The following THSD1 variants were observed in gnomAD, a reference collection of about 807,000 sequenced individuals.
The protein encoded by THSD1 is thrombospondin type-1 domain-containing protein 1.
In THSD1, 34 loss-of-function variants were observed where a neutral mutation model predicts 46.3. The ratio of observed to expected loss-of-function variants is 0.74; its 90% CI spans 0.56 to 0.98. The LOEUF (loss-of-function observed/expected upper bound fraction) is 0.98, where lower values mean the gene tolerates loss of function less well. THSD1 is among the 50% of genes least tolerant of loss of function. The pLI is 0.00. For missense variants in THSD1, 1,023 were observed against 1,058.3 expected (o/e 0.97, Z 0.46); for synonymous variants, 407 against 416.5 (o/e 0.98, Z 0.28).
chr13:52,405,933 G>T (rs73184399), intron 1 of THSD1, 98 bp downstream of exon 1: 2,530 of 152,406 alleles, frequency 0.017, 29 homozygotes, highest in South Asian at 0.033. Context: ...AGGCTGCGGT[G>T]AGGTGGCAGA....
chr13:52,385,516 G>A (rs1957724312), intron 4 of THSD1, among the ~76,000 whole-genome samples: 2 of 152,174 alleles, frequency 1.3e-5, no homozygotes, highest in Non-Finnish European at 2.9e-5. Flanking sequence ...ATGAAGAAAT[G>A]TCCCTCTGGG....
intron 4 of THSD1, chr13:52,384,245 C>A: frequency 3.1e-6 from 1 of 321,560 alleles, no homozygotes; most frequent in Non-Finnish European, 6.3e-6. Flanking sequence ...TCACATTTCT[C>A]AAAAATGATT....
At position 52,406,164 on chromosome 13, in the gene THSD1, G is replaced by C. The variant is rs1957905719; in HGVS notation, c.-215C>G. 6.6e-6 allele frequency: 1 copy of C among 152,138 alleles called. No homozygotes were observed. Among genetic ancestry groups the C allele is most frequent in the Non-Finnish European group, 1.5e-5 (1 of 68,016 alleles). The allele number at this position is 152,138 out of a possible 1,614,324, so 9.4% of individuals were successfully genotyped here. ...TGCACGCCCTGACCCCGCGGCGTTC[G>C]GCTCCCACAGCCCCGCGGGGCCCGC... On this transcript the variant is annotated 5_prime_UTR_variant, in exon 1 of 5. Coordinates refer to ENST00000258613, the MANE Select transcript of THSD1 (RefSeq NM_018676.4).
At chr13:52,386,262 C>A (rs1203220371) in intron 3 of THSD1, 76 bp from the exon 4 acceptor site, 3 of 1,468,890 alleles carry the variant, frequency 2.0e-6, no homozygotes, top group African/African-American at 1.4e-5. Context: ...AATGAAACAG[C>A]AAAACTCAAA....
At chr13:52,391,839 G>A (rs1015560662) in intron 3 of THSD1, among the ~76,000 whole-genome samples, 1 of 151,132 alleles carries the variant, frequency 6.6e-6, no homozygotes, top group Non-Finnish European at 1.5e-5. Flanking sequence ...CACCGCAGCC[G>A]GCAAAAATCT....
chr13:52,401,272 C>G (rs538861035), intron 2 of THSD1, among the ~76,000 whole-genome samples: 87 of 151,510 alleles, frequency 5.7e-4, no homozygotes, highest in African/African-American at 2.1e-3. Flanking sequence ...TGCATCCAGC[C>G]AGAGTAATCG....
At position 52,378,053 on chromosome 13, in the gene THSD1, C is replaced by T; in HGVS notation, c.1917G>A (p.Pro639=). 3 of 1,614,138 alleles carry T rather than the reference C, an allele frequency of 1.9e-6. No individual in the cohort carries two copies. Among genetic ancestry groups the T allele is most frequent in the Non-Finnish European group, 1.7e-6 (2 of 1,180,034 alleles). ...QARHVGSRGG[P]SERSHARNAH... is the part of the protein sequence containing the mutation. ...CGTTCCTGGCATGGCTCCTTTCGGA[C>T]GGGCCCCCTCTGCTGCCCACGTGCC... is the stretch of plus-strand genomic sequence containing the variant. Residue 639 remains proline (P), a synonymous_variant, in exon 5 of 5, where the codon CCG becomes CCA. Coordinates refer to ENST00000258613, the MANE Select transcript of THSD1 (RefSeq NM_018676.4).
intron 2 of THSD1, among the ~76,000 whole-genome samples, chr13:52,402,156 C>T (rs1223950964): frequency 2.6e-5 from 4 of 152,136 alleles, no homozygotes; most frequent in Non-Finnish European, 4.4e-5. Context: ...TATGTTAGCA[C>T]CAAAACTCGG....
At chr13:52,381,209 T>C (rs1256234340) in intron 4 of THSD1, among the ~76,000 whole-genome samples, 2 of 152,178 alleles carry the variant, frequency 1.3e-5, no homozygotes, top group African/African-American at 4.8e-5. Context: ...GAAACCATTT[T>C]CCTTCCAACA....
rs371717283 is a variant in THSD1 at position 52,378,012 on chromosome 13, G to A, written c.1958C>T (p.Thr653Ile). ...SHARNAHFRR[T>I]ASFHEARQAR... ...CTGCCTGGCTTCATGGAAACTCGCTGTCCTCCTGAAATGGGCGTTCCTGGC... is the reference window on the plus strand; with the variant it reads ...CTGCCTGGCTTCATGGAAACTCGCTATCCTCCTGAAATGGGCGTTCCTGGC... The change falls in exon 5 of 5, where the codon ACA becomes ATA. Residue 653 changes from threonine to isoleucine, a missense_variant. By Grantham distance (89) the Thr-to-Ile change is moderately conservative (BLOSUM62 -1). Transcript: ENST00000258613. 4.2e-5 allele frequency: 67 copies of A among 1,614,052 alleles called. No homozygotes were observed. The highest frequency in any genetic ancestry group is 5.2e-5 in the Non-Finnish European group (61 of 1,180,054).
intron 3 of THSD1, 38 bp from the exon 4 acceptor site, chr13:52,386,224 T>C (rs1174670615): frequency 6.2e-7 from 1 of 1,601,010 alleles, no homozygotes; most frequent in Non-Finnish European, 8.5e-7. Flanking sequence ...TGCTAGTTCA[T>C]TTGAGAATCA....
chr13:52,403,523 C>G (rs1483515359), intron 1 of THSD1, among the ~76,000 whole-genome samples: 4 of 152,204 alleles, frequency 2.6e-5, no homozygotes, highest in Admixed American at 2.6e-4. Context: ...ACTCTGTCGC[C>G]TAGGCTGGAG....
chr13:52,403,852 T>C (rs1371867128), intron 1 of THSD1, among the ~76,000 whole-genome samples: 3 of 151,744 alleles, frequency 2.0e-5, no homozygotes, highest in Non-Finnish European at 2.9e-5. Context: ...AGTTCTTTCA[T>C]ACTAGAGTCT....
chr13:52,384,412 A>T (rs1235517908), intron 4 of THSD1: 1 of 455,422 alleles, frequency 2.2e-6, no homozygotes, highest in Non-Finnish European at 4.4e-6. Flanking sequence ...TCCCTATCCC[A>T]CAGGGTCCTC....
chr13:52,398,305 C>T, intron 2 of THSD1, 111 bp from the exon 3 acceptor site: 2 of 1,473,716 alleles, frequency 1.4e-6, no homozygotes, highest in Non-Finnish European at 1.8e-6. Context: ...GGGTCTCATG[C>T]TGTCACCGAG....
intron 3 of THSD1, among the ~76,000 whole-genome samples, 186 bp from the exon 4 acceptor site, chr13:52,386,372 T>A (rs1335026689): frequency 6.6e-6 from 1 of 152,094 alleles, no homozygotes; most frequent in African/African-American, 2.4e-5. Context: ...GCTGTATAAT[T>A]TAAAGATCTT....
chr13:52,393,056 T>C (rs561138558), intron 3 of THSD1, among the ~76,000 whole-genome samples: 4 of 152,212 alleles, frequency 2.6e-5, no homozygotes, highest in African/African-American at 7.2e-5. Context: ...GTCAATTGCA[T>C]AGAAGGCAGT....
At chr13:52,403,032 T>G (rs1191644203) in intron 1 of THSD1, 1 of 808,694 alleles carries the variant, frequency 1.2e-6, no homozygotes, top group East Asian at 1.2e-4. Context: ...TTCACATTAT[T>G]TATCTGCTTG....
chr13:52,378,622 G>C lies in THSD1; in HGVS notation c.1348C>G (p.Arg450Gly). The C allele has an allele frequency of 1.2e-6, 2 of 1,614,006 alleles. No individual in the cohort carries two copies. Among genetic ancestry groups the C allele is most frequent in the Non-Finnish European group, 1.7e-6 (2 of 1,180,006 alleles). The change falls in exon 5 of 5, where the codon CGA (arginine) becomes GGA (glycine). Residue 450 changes from arginine to glycine, a missense_variant. Transcript: ENST00000258613. ...GRPAKCSTPA[R>G]HNSIHSPSFR... ...CTGGGGGAGTGGATGGAGTTGTGTCGAGCAGGTGTGCTGCACTTGGCTGGC... is the reference window on the plus strand; with the variant it reads ...CTGGGGGAGTGGATGGAGTTGTGTCCAGCAGGTGTGCTGCACTTGGCTGGC...
Sources: allele counts gnomAD v4.1 joint callset (sites outside exome capture counted in the v4.1 genomes callset), GRCh38; gene constraint gnomAD v4.1.1; transcripts MANE v1.5; gene names NCBI Gene and HGNC (gene_info 2026-07-23, HGNC 2026-07-21).